The following ARRB1 variants were observed in gnomAD, a reference collection of about 807,000 sequenced individuals.
The protein encoded by ARRB1 is beta-arrestin-1.
In ARRB1, 21 loss-of-function variants were observed where a neutral mutation model predicts 56.8. That is an observed-to-expected ratio of 0.37 (90% CI 0.26 to 0.53). ARRB1 has a LOEUF of 0.53. Among genes scored for constraint, ARRB1 ranks in the 20% least tolerant of loss-of-function variants. The pLI, the probability that ARRB1 is intolerant of heterozygous loss-of-function variation, is 0.88. For synonymous variants in ARRB1, 210 were observed against 218.6 expected (o/e 0.96, Z 0.35); for missense variants, 424 against 553.7 (o/e 0.77, Z 2.35).
At chr11:75,286,609 G>A (rs539322818) in intron 3 of ARRB1, among the ~76,000 whole-genome samples, 16 of 151,996 alleles carry the variant, frequency 1.1e-4, no homozygotes, top group Middle Eastern at 3.2e-3. Flanking sequence ...AGGTACTCTG[G>A]GCATCGAATG....
chr11:75,267,699 T>A lies in ARRB1; in HGVS notation c.1098A>T (p.Pro366=), dbSNP rs759920100. 1 of 1,392,480 alleles carries A rather than the reference T, an allele frequency of 7.2e-7. No homozygotes were observed. Among genetic ancestry groups the A allele is most frequent in the Non-Finnish European group, 9.8e-7 (1 of 1,017,890 alleles). 86.3% of individuals were successfully genotyped at this position (1,392,480 alleles called of 1,614,324 possible). A position where few individuals can be genotyped will look rare whatever the true frequency, so the allele number is the denominator to read the frequency against. ...TGGTATCTACTGGCGTCTCGTTCTC[T>A]GGAACTAAACACAGGGTGGGTGGGC... ...PKEEPPHREV[P]ENETPVDTNL... is the part of the protein sequence containing the mutation. The change falls in exon 15 of 16, where the codon CCA becomes CCT. Residue 366 remains proline, a synonymous_variant. Transcript: ENST00000420843.
chr11:75,312,234 G>A, intron 1 of ARRB1: 1 of 1,032,366 alleles, frequency 9.7e-7, no homozygotes, highest in South Asian at 1.3e-5. Flanking sequence ...GCACCGCCAG[G>A]AACTGAGAAC....
At position 75,311,086 on chromosome 11, in the gene ARRB1, C is replaced by G. The variant is rs139604143; in HGVS notation, c.21-21047G>C. On this transcript the variant is annotated intron_variant, in intron 1 of 15. Transcript: ENST00000420843. ...GCGCGGTGGCTCATGCCTGTAATCC[C>G]AGCACTTTGAAAGATCAAGGCAGGC... Among the ~76,000 whole-genome samples, 167 of 152,300 alleles carry G rather than the reference C, an allele frequency of 1.1e-3. 3 individuals carry two copies. In the East Asian group the frequency reaches 0.031, roughly 28 times the overall value.
Position 75,261,456 on chromosome 11 carries a change from G to A in ARRB1, c.*4707C>T, listed in dbSNP as rs984729873. On this transcript the variant is annotated 3_prime_UTR_variant, in exon 16 of 16. Coordinates refer to ENST00000420843, the MANE Select transcript of ARRB1 (RefSeq NM_004041.5). ...TCTGGTGGCGGCGGAAATGGGAGGAGGGCTGGAAACCTATCCTTTGCCTCC... is the reference window on the plus strand; with the variant it reads ...TCTGGTGGCGGCGGAAATGGGAGGAAGGCTGGAAACCTATCCTTTGCCTCC... The A allele has an allele frequency of 5.9e-5, 9 of 152,094 alleles. No homozygotes were observed. Among genetic ancestry groups the A allele is most frequent in the African/African-American group, 1.2e-4 (5 of 41,388 alleles). The allele number at this position is 152,094 out of a possible 1,614,324, so 9.4% of individuals were successfully genotyped here.
At position 75,285,272 on chromosome 11, in the gene ARRB1, C is replaced by T. The variant is rs372296877; in HGVS notation, c.113-993G>A. Among the ~76,000 whole-genome samples the T allele has an allele frequency of 2.6e-5, 4 of 152,332 alleles. No individual in the cohort carries two copies. In the East Asian group the frequency reaches 7.7e-4, roughly 29 times the overall value. ...TTAGACAGTGCCAAGCACTCGAGAG[C>T]ACTCTGCAGATTGTGGAAGGCGCCT... is the stretch of plus-strand genomic sequence containing the variant. On this transcript the variant is annotated intron_variant, in intron 3 of 15. Coordinates refer to ENST00000420843, the MANE Select transcript of ARRB1 (RefSeq NM_004041.5).
chr11:75,276,820 CA>C lies in ARRB1; in HGVS notation c.776+18del. ...CCACCCAATCCCATACGCCCAAGGC[CA>C]GACTTGTGCCCACTTACTCAGCCTC... is the stretch of plus-strand genomic sequence containing the variant. On this transcript the variant is annotated intron_variant, in intron 10 of 15. Transcript: ENST00000420843. The C allele has an allele frequency of 6.2e-7, 1 of 1,613,654 alleles. No individual in the cohort carries two copies. Among genetic ancestry groups the C allele is most frequent in the Non-Finnish European group, 8.5e-7 (1 of 1,179,578 alleles).
intron 1 of ARRB1, among the ~76,000 whole-genome samples, chr11:75,300,334 TATA>T (rs1294343199): frequency 3.3e-5 from 5 of 152,104 alleles, no homozygotes; most frequent in Non-Finnish European, 5.9e-5. Flanking sequence ...CCAACAACTC[TATA>T]ATAAGTGTTA....
chr11:75,266,239 T>C lies in ARRB1; in HGVS notation c.1181A>G (p.Gln394Arg). 6.2e-7 allele frequency: 1 copy of C among 1,614,222 alleles called. No individual in the cohort carries two copies. Among genetic ancestry groups the C allele is most frequent in the South Asian group, 1.1e-5 (1 of 91,084 alleles). The change falls in exon 16 of 16, where the codon CAG becomes CGG. Residue 394 changes from glutamine to arginine, a missense_variant. This residue lies in a region of ARRB1 where 121 missense variants were observed against 147.3 expected (regional missense o/e 0.82). Coordinates refer to ENST00000420843, the MANE Select transcript of ARRB1 (RefSeq NM_004041.5). ...GTCATCCTTCATGCCTTTCAGTCTC[T>C]GGCGAGCAAAGTCCTCAAATACAAT... ...DDIVFEDFARQRLKGMKDDKE... is the reference protein window; with the variant it reads ...DDIVFEDFARRRLKGMKDDKE...
intron 1 of ARRB1, among the ~76,000 whole-genome samples, chr11:75,339,318 ACCCAC>A (rs1270132950): frequency 6.6e-6 from 1 of 152,152 alleles, no homozygotes; most frequent in East Asian, 1.9e-4. Flanking sequence ...CTCCTGATAT[ACCCAC>A]CCCATTTTCT....
intron 1 of ARRB1, among the ~76,000 whole-genome samples, chr11:75,348,314 C>T (rs78757099): frequency 0.029 from 4,345 of 152,326 alleles, 99 homozygotes; most frequent in Non-Finnish European, 0.047. Context: ...GTAGTTCCAA[C>T]GCCACCTCCT....
At chr11:75,284,445 C>T (rs950564189) in intron 3 of ARRB1, 166 bp from the exon 4 acceptor site, 26 of 554,712 alleles carry the variant, frequency 4.7e-5, no homozygotes, top group Admixed American at 1.0e-4. Context: ...ACCTCCACCA[C>T]GCTCCACCCT....
chr11:75,331,798 C>G (rs1947525328), intron 1 of ARRB1, among the ~76,000 whole-genome samples: 1 of 151,814 alleles, frequency 6.6e-6, no homozygotes, highest in Non-Finnish European at 1.5e-5. Context: ...GAGTGAAACT[C>G]ATCAGTTGGG....
intron 1 of ARRB1, among the ~76,000 whole-genome samples, chr11:75,299,190 G>C (rs1946834514): frequency 6.7e-6 from 1 of 149,700 alleles, no homozygotes; most frequent in African/African-American, 2.5e-5. Context: ...AAAAACCACT[G>C]AATTTTACCC....
chr11:75,323,675 A>T (rs1591975838), intron 1 of ARRB1, among the ~76,000 whole-genome samples: 1 of 152,138 alleles, frequency 6.6e-6, no homozygotes, highest in Non-Finnish European at 1.5e-5. Context: ...CTCTCCCCCC[A>T]TGAGCAAGAA....
intron 15 of ARRB1, 45 bp from the exon 16 acceptor site, chr11:75,266,319 G>A (rs1002974291): frequency 6.5e-7 from 1 of 1,529,608 alleles, no homozygotes; most frequent in Non-Finnish European, 9.1e-7. Flanking sequence ...GCAGGGGCAG[G>A]GAGAGTAGGC....
At chr11:75,319,399 G>C (rs1030864342) in intron 1 of ARRB1, among the ~76,000 whole-genome samples, 1 of 152,168 alleles carries the variant, frequency 6.6e-6, no homozygotes, top group Non-Finnish European at 1.5e-5. Flanking sequence ...CAGATGAAAG[G>C]TTCCTCACAC....
Position 75,271,726 on chromosome 11 carries a change from TG to T in ARRB1, c.999-3del. The T allele has an allele frequency of 6.4e-7, 1 of 1,573,150 alleles. No individual in the cohort carries two copies. The highest frequency in any genetic ancestry group is 1.9e-5 in the Admixed American group (1 of 53,746). On this transcript the variant is annotated splice_polypyrimidine_tract_variant and splice_region_variant and intron_variant, in intron 12 of 15. Coordinates refer to ENST00000420843, the MANE Select transcript of ARRB1 (RefSeq NM_004041.5). The stretch of plus-strand genomic sequence containing the variant: ...CTGGATGCAAGATCTCCCAACAGGC[TG>T]GGTGGGTCAGAGGAGGCAGGAGAAG...
intron 7 of ARRB1, among the ~76,000 whole-genome samples, chr11:75,280,207 T>C (rs1946294669): frequency 6.6e-6 from 1 of 152,186 alleles, no homozygotes; most frequent in African/African-American, 2.4e-5. Flanking sequence ...CACAGCACCC[T>C]TCCTCTTCCC....
chr11:75,278,768 A>T, intron 7 of ARRB1, 24 bp from the exon 8 acceptor site: 3 of 1,592,532 alleles, frequency 1.9e-6, no homozygotes, highest in Non-Finnish European at 2.6e-6. Flanking sequence ...GCGGAGTGAA[A>T]GAGGACCAGG....
Sources: gnomAD v4.1 joint callset for allele counts (sites outside exome capture counted in the v4.1 genomes callset) on GRCh38, gnomAD v4.1.1 for gene constraint, gnomAD v4.1.1 regional missense constraint, MANE v1.5 for transcripts, NCBI Gene and HGNC (gene_info 2026-07-23, HGNC 2026-07-21) for gene names.